The following SORCS2 variants were observed in gnomAD, a reference collection of about 807,000 sequenced individuals.
SORCS2 encodes VPS10 domain-containing receptor SorCS2.
Under a neutral mutation model 141.6 loss-of-function variants are expected in SORCS2, and 100 were observed. That is an observed-to-expected ratio of 0.71 (90% CI 0.60 to 0.83). The LOEUF is 0.83. Among genes scored for constraint, SORCS2 ranks in the 40% least tolerant of loss-of-function variants. The pLI is 0.00. For synonymous variants in SORCS2, 789 were observed against 676.9 expected, an observed-to-expected ratio of 1.17 and a Z score of -2.57; for missense variants, 1,646 against 1,560.2, an observed-to-expected ratio of 1.05 and a Z score of -0.93.
At chr4:7,536,437 A>G (rs777737933) in intron 3 of SORCS2, among the ~76,000 whole-genome samples, 11 of 152,196 alleles carry the variant, frequency 7.2e-5, no homozygotes, top group Admixed American at 1.3e-4. Context: ...TTGACTTTAC[A>G]TGTCAAGTAA....
intron 5 of SORCS2, among the ~76,000 whole-genome samples, chr4:7,657,205 A>G (rs1475342648): frequency 2.0e-5 from 3 of 152,272 alleles, no homozygotes; most frequent in Non-Finnish European, 2.9e-5. Context: ...TCAGAGCAAG[A>G]GACTAAAGGA....
intron 1 of SORCS2, among the ~76,000 whole-genome samples, chr4:7,296,825 C>T (rs1442585451): frequency 6.6e-6 from 1 of 152,228 alleles, no homozygotes; most frequent in African/African-American, 2.4e-5. Flanking sequence ...CACTGCGTGG[C>T]TTCCCTCTAT....
chr4:7,724,121 G>GTGGTGGTGGTGGTGATGGTGGTGA (rs1577120363), intron 19 of SORCS2, among the ~76,000 whole-genome samples: 1 of 131,188 alleles, frequency 7.6e-6, no homozygotes, highest in Admixed American at 7.5e-5. Flanking sequence ...GGTGATGGTG[G>GTGGTGGTGGTGGTGATGGTGGTGA]TGGTGGTGGT....
chr4:7,685,167 G>C (rs1723797571), intron 10 of SORCS2, among the ~76,000 whole-genome samples: 1 of 152,248 alleles, frequency 6.6e-6, no homozygotes, highest in South Asian at 2.1e-4. Context: ...ATCTGTCAAA[G>C]CAAGTTTTTG....
intron 2 of SORCS2, among the ~76,000 whole-genome samples, chr4:7,429,625 C>T (rs75561536): frequency 0.028 from 4,265 of 152,318 alleles, 70 homozygotes; most frequent in African/African-American, 0.032. Context: ...ATGCACCCGG[C>T]GGGCCCCTCC....
chr4:7,219,848 G>T (rs1728595368), intron 1 of SORCS2, among the ~76,000 whole-genome samples: 1 of 152,184 alleles, frequency 6.6e-6, no homozygotes, highest in Admixed American at 6.5e-5. Context: ...ACCCTGATGT[G>T]CAGGGCACAG....
chr4:7,536,522 C>A (rs1712135054), intron 3 of SORCS2, among the ~76,000 whole-genome samples: 1 of 152,162 alleles, frequency 6.6e-6, no homozygotes, highest in African/African-American at 2.4e-5. Flanking sequence ...TCTTCAGACA[C>A]CTGCATGGTG....
At chr4:7,314,361 A>G (rs547203255) in intron 1 of SORCS2, among the ~76,000 whole-genome samples, 3 of 138,774 alleles carry the variant, frequency 2.2e-5, no homozygotes, top group African/African-American at 8.3e-5. Context: ...ATTTTTTGAG[A>G]CGGAGTCTTG....
chr4:7,587,502 G>A (rs954562825), intron 3 of SORCS2, among the ~76,000 whole-genome samples: 1 of 152,228 alleles, frequency 6.6e-6, no homozygotes, highest in African/African-American at 2.4e-5. Flanking sequence ...CAGGGTTGGA[G>A]ATGAGACTGA....
At chr4:7,232,460 A>AC (rs758990278) in intron 1 of SORCS2, among the ~76,000 whole-genome samples, 78 of 151,650 alleles carry the variant, frequency 5.1e-4, no homozygotes, top group Middle Eastern at 3.4e-3. Context: ...TCATTATGTC[A>AC]CCCCCCACGG....
At chr4:7,325,573 C>T (rs560545278) in intron 1 of SORCS2, among the ~76,000 whole-genome samples, 39 of 152,306 alleles carry the variant, frequency 2.6e-4, no homozygotes, top group Non-Finnish European at 4.7e-4. Flanking sequence ...GGGGCAGCTC[C>T]GTGGAACTCA....
Position 7,286,410 on chromosome 4 carries a change from G to A in SORCS2, c.480+93284G>A, listed in dbSNP as rs1198508503. Among the ~76,000 whole-genome samples the A allele has an allele frequency of 6.6e-6, 1 of 152,234 alleles. No individual in the cohort carries two copies. Among genetic ancestry groups the A allele is most frequent in the Non-Finnish European group, 1.5e-5 (1 of 68,040 alleles). Reference sequence around the variant, plus strand: ...GGCCAGAACGGAGCAGGGTGTGGGCGAAGGGAGACGTCCTGGAAGGCAGCC... The same window carrying A: ...GGCCAGAACGGAGCAGGGTGTGGGCAAAGGGAGACGTCCTGGAAGGCAGCC... On this transcript the variant is annotated intron_variant, in intron 1 of 26. Transcript: ENST00000507866. The surrounding 1 kb of genome is among the most constrained non-coding windows in gnomAD (Gnocchi z 4.1).
chr4:7,421,722 C>G (rs1026712133), intron 2 of SORCS2, among the ~76,000 whole-genome samples: 30 of 152,280 alleles, frequency 2.0e-4, no homozygotes, highest in African/African-American at 7.0e-4. Context: ...CTGGAGCCCC[C>G]GCTGGCTCTG....
At chr4:7,342,719 T>C (rs1422568377) in intron 1 of SORCS2, among the ~76,000 whole-genome samples, 2 of 152,102 alleles carry the variant, frequency 1.3e-5, no homozygotes, top group Non-Finnish European at 2.9e-5. Flanking sequence ...GTGTCCCCTA[T>C]AAAGTTTCAT....
At chr4:7,500,798 C>A (rs1442779727) in intron 2 of SORCS2, among the ~76,000 whole-genome samples, 1 of 152,180 alleles carries the variant, frequency 6.6e-6, no homozygotes, top group East Asian at 1.9e-4. Flanking sequence ...CGAGTGGGAG[C>A]CTCAGCGACC....
intron 1 of SORCS2, among the ~76,000 whole-genome samples, chr4:7,211,807 C>CG (rs1368162402): frequency 1.3e-5 from 2 of 151,572 alleles, no homozygotes; most frequent in African/African-American, 2.4e-5. Context: ...AGAGGAGAGG[C>CG]GGGGGGCCCC....
intron 3 of SORCS2, among the ~76,000 whole-genome samples, chr4:7,536,204 G>T (rs936576388): frequency 3.9e-5 from 6 of 152,198 alleles, no homozygotes; most frequent in Non-Finnish European, 8.8e-5. Context: ...GGTACAAACT[G>T]TAGGCAAGTT....
In SORCS2 at chr4:7,670,176, C is replaced by A. The variant is rs1423646380; in HGVS notation, c.1161+2963C>A. On this transcript the variant is annotated intron_variant, in intron 8 of 26. Transcript: ENST00000507866. Reference sequence around the variant, plus strand: ...TAGATCAGCTTCAACATAGCTTTGCCATGTTTTTCTATTTTCCTTCTGTGT... The same window carrying A: ...TAGATCAGCTTCAACATAGCTTTGCAATGTTTTTCTATTTTCCTTCTGTGT... Among the ~76,000 whole-genome samples the A allele has an allele frequency of 2.6e-5, 4 of 152,206 alleles. 1 individual carries two copies. Among genetic ancestry groups the A allele is most frequent in the African/African-American group, 9.7e-5 (4 of 41,450 alleles).
chr4:7,698,482 C>G (rs900950444), intron 12 of SORCS2, among the ~76,000 whole-genome samples: 1 of 152,222 alleles, frequency 6.6e-6, no homozygotes, highest in Non-Finnish European at 1.5e-5. Flanking sequence ...TTCACTAAAA[C>G]TAGTGAAACA....
Sources: allele counts gnomAD v4.1 joint callset (sites outside exome capture counted in the v4.1 genomes callset), GRCh38; gene constraint gnomAD v4.1.1; non-coding constraint Gnocchi (gnomAD v3.1); transcripts MANE v1.5; gene names NCBI Gene and HGNC (gene_info 2026-07-23, HGNC 2026-07-21).